Variants in PHLDB2 observed in about 807,000 individuals in gnomAD.
The protein encoded by PHLDB2 is pleckstrin homology-like domain family B member 2.
A neutral mutation model predicts 123.6 loss-of-function variants in PHLDB2; 71 were observed. The observed-to-expected ratio is 0.57, with a 90% CI of 0.47 to 0.70. PHLDB2 has a LOEUF of 0.70. Among genes scored for constraint, PHLDB2 ranks in the 30% least tolerant of loss-of-function variants. PHLDB2 has a pLI of 0.00. For synonymous variants in PHLDB2, 547 were observed against 541.6 expected, an observed-to-expected ratio of 1.01 and a Z score of -0.14; for missense variants, 1,446 against 1,519.5, an observed-to-expected ratio of 0.95 and a Z score of 0.80.
intron 12 of PHLDB2, chr3:111,958,650 A>G: frequency 4.4e-6 from 2 of 450,590 alleles, no homozygotes; most frequent in South Asian, 3.2e-5. Context: ...GTCTTGCTTT[A>G]TACACCTTAT....
chr3:111,837,961 G>A (rs1005929274), intron 1 of PHLDB2, among the ~76,000 whole-genome samples: 2 of 151,994 alleles, frequency 1.3e-5, no homozygotes, highest in Non-Finnish European at 2.9e-5. Context: ...AGAATCACTT[G>A]AACCCGGGAG....
chr3:111,963,586 G>T (rs984264940), intron 13 of PHLDB2, among the ~76,000 whole-genome samples: 7 of 152,082 alleles, frequency 4.6e-5, no homozygotes, highest in Non-Finnish European at 7.4e-5. Flanking sequence ...TAACTTTCTG[G>T]TAGTCATAAA....
chr3:111,786,252 G>A (rs1027577462), intron 1 of PHLDB2, among the ~76,000 whole-genome samples: 15 of 152,256 alleles, frequency 9.9e-5, no homozygotes, highest in African/African-American at 2.6e-4. Context: ...ATGCTGTATC[G>A]TTTAAGGATA....
intron 1 of PHLDB2, among the ~76,000 whole-genome samples, chr3:111,832,655 ACATATAATATATATAATAGAAT>A (rs2063109779): frequency 8.3e-6 from 1 of 121,042 alleles, no homozygotes; most frequent in African/African-American, 3.3e-5. Flanking sequence ...ATGCCATTAT[ACATATAATATATATAATAGAAT>A]TATACATATA....
At chr3:111,837,461 G>A (rs930351398) in intron 1 of PHLDB2, among the ~76,000 whole-genome samples, 1 of 152,078 alleles carries the variant, frequency 6.6e-6, no homozygotes, top group East Asian at 1.9e-4. Flanking sequence ...AGTAATTTCT[G>A]TTGTGTCAAA....
intron 1 of PHLDB2, among the ~76,000 whole-genome samples, chr3:111,831,570 A>C (rs913047580): frequency 6.6e-6 from 1 of 152,152 alleles, no homozygotes; most frequent in African/African-American, 2.4e-5. Context: ...TGTGGGATCC[A>C]TTTTTATAAT....
chr3:111,820,830 C>T (rs1032164584), intron 1 of PHLDB2, among the ~76,000 whole-genome samples: 10 of 152,210 alleles, frequency 6.6e-5, no homozygotes, highest in Admixed American at 5.9e-4. Flanking sequence ...TATCCCGTTG[C>T]CCAAGTATAA....
Position 111,969,700 on chromosome 3 carries a change from T to G in PHLDB2, c.3326T>G (p.Leu1109Trp), listed in dbSNP as rs751546147. ...TTTGCACTTTTCCAGGCTCGTCCTT[T>G]GACACGCTACCTGCCTGTCCGGAAG... ...RERQRAQARP[L>W]TRYLPVRKED... Residue 1109 changes from leucine to tryptophan, a missense_variant, in exon 16 of 18, where the codon TTG (leucine) becomes TGG (tryptophan). This residue lies in a region of PHLDB2 where 594 missense variants were observed against 646.0 expected (regional missense o/e 0.92). Transcript: ENST00000431670. The G allele has an allele frequency of 1.2e-6, 2 of 1,613,892 alleles. No individual in the cohort carries two copies. The highest frequency in any genetic ancestry group is 1.7e-6 in the Non-Finnish European group (2 of 1,179,810).
rs572540974 is a variant in PHLDB2, at chr3:111,939,966, C to T, written c.2286+336C>T. ...TGAACAAAGTCTATTTTGGATTTTT[C>T]TCTGTTTTCATTGCTCAGTAGTTCT... On this transcript the variant is annotated intron_variant, in intron 7 of 17. Transcript: ENST00000431670. Among the ~76,000 whole-genome samples, 58 of 152,240 alleles carry T rather than the reference C, an allele frequency of 3.8e-4. 1 individual carries two copies. The highest frequency in any genetic ancestry group is 1.3e-3 in the African/African-American group (56 of 41,538).
intron 16 of PHLDB2, among the ~76,000 whole-genome samples, chr3:111,971,686 C>T (rs143646492): frequency 5.8e-4 from 89 of 152,198 alleles, no homozygotes; most frequent in African/African-American, 1.9e-3. Flanking sequence ...TAGACCAGTC[C>T]GCAGGCAGTC....
chr3:111,967,536 T>C, intron 14 of PHLDB2, 142 bp from the exon 15 acceptor site: 1 of 798,498 alleles, frequency 1.3e-6, no homozygotes, highest in Non-Finnish European at 1.8e-6. Flanking sequence ...TTATGAGTTG[T>C]TTTCTTGTAG....
chr3:111,835,630 A>G (rs1158918266), intron 1 of PHLDB2, among the ~76,000 whole-genome samples: 1 of 152,216 alleles, frequency 6.6e-6, no homozygotes, highest in African/African-American at 2.4e-5. Context: ...AATTTAGCTA[A>G]GGTTCAGAGA....
intron 1 of PHLDB2, among the ~76,000 whole-genome samples, chr3:111,739,375 T>A (rs1428995588): frequency 6.6e-6 from 1 of 152,012 alleles, no homozygotes; most frequent in Non-Finnish European, 1.5e-5. Flanking sequence ...TAATGCAAGC[T>A]CCAGCAGGCA....
In PHLDB2 at chr3:111,913,591, G is replaced by C; in HGVS notation, c.1608G>C (p.Arg536Ser). ...GCAGTGCCAGCTTCTTTACCCCCAG[G>C]AGCACCAGGAATGATGAACTACTCA... ...SQSSASFFTP[R>S]STRNDELLSD... Residue 536 changes from arginine to serine, a missense_variant, in exon 3 of 18, where the codon AGG becomes AGC. Arg to Ser is a moderately radical substitution (Grantham distance 110, BLOSUM62 -1). Transcript: ENST00000431670. 6.2e-7 allele frequency: 1 copy of C among 1,614,072 alleles called. No homozygotes were observed. The highest frequency in any genetic ancestry group is 8.5e-7 in the Non-Finnish European group (1 of 1,180,024).
At chr3:111,791,947 C>A (rs751021049) in intron 1 of PHLDB2, among the ~76,000 whole-genome samples, 1 of 152,128 alleles carries the variant, frequency 6.6e-6, no homozygotes, top group Non-Finnish European at 1.5e-5. Context: ...TTTTTGTACC[C>A]ATTAACCATA....
At chr3:111,857,965 A>G (rs941988530), upstream of PHLDB2, among the ~76,000 whole-genome samples, 1 of 152,234 alleles carries the variant, frequency 6.6e-6, no homozygotes, top group East Asian at 1.9e-4. Context: ...TATATACCCA[A>G]AGAATTATAA....
chr3:111,857,390 G>A (rs546043385), upstream of PHLDB2, among the ~76,000 whole-genome samples: 86 of 150,220 alleles, frequency 5.7e-4, no homozygotes, highest in African/African-American at 2.1e-3. Flanking sequence ...GGTTAAGGCT[G>A]CAGTGAGCTA....
chr3:111,794,862 G>T (rs563575894), intron 1 of PHLDB2, among the ~76,000 whole-genome samples: 2 of 152,290 alleles, frequency 1.3e-5, no homozygotes, highest in Admixed American at 1.3e-4. Flanking sequence ...GCAAAGCAGG[G>T]CCTACAGCAT....
chr3:111,766,346 G>A (rs1179895317), intron 1 of PHLDB2, among the ~76,000 whole-genome samples: 1 of 151,784 alleles, frequency 6.6e-6, no homozygotes, highest in Non-Finnish European at 1.5e-5. Flanking sequence ...AGGAGGCTGA[G>A]GCAGAAAAAT....
Sources: allele counts gnomAD v4.1 joint callset (sites outside exome capture counted in the v4.1 genomes callset), GRCh38; gene constraint gnomAD v4.1.1; regional missense constraint gnomAD v4.1.1; transcripts MANE v1.5; gene names NCBI Gene and HGNC (gene_info 2026-07-23, HGNC 2026-07-21).